Variants in PHF14 observed in about 807,000 individuals in gnomAD.
The protein encoded by PHF14 is PHD finger protein 14.
A neutral mutation model predicts 117.9 loss-of-function variants in PHF14; 55 were observed. That is an observed-to-expected ratio of 0.47 (90% confidence interval 0.38 to 0.58). The LOEUF (loss-of-function observed/expected upper bound fraction) is 0.58. PHF14 is among the 20% of genes least tolerant of loss of function. PHF14 has a pLI of 0.00. For synonymous variants in PHF14, 409 were observed against 368.6 expected, an observed-to-expected ratio of 1.11 and a Z score of -1.26; for missense variants, 978 against 1,122.2, an observed-to-expected ratio of 0.87 and a Z score of 1.84.
chr7:11,122,196 C>T (rs1787775135), intron 17 of PHF14, among the ~76,000 whole-genome samples: 1 of 150,828 alleles, frequency 6.6e-6, no homozygotes, highest in South Asian at 2.1e-4. Flanking sequence ...TGAACTCATT[C>T]TTTTTTATGG....
intron 16 of PHF14, among the ~76,000 whole-genome samples, chr7:11,087,390 C>A (rs1028705531): frequency 6.6e-6 from 1 of 152,096 alleles, no homozygotes; most frequent in African/African-American, 2.4e-5. Context: ...CGGGGTATCA[C>A]CATGTTGGCC....
chr7:11,023,921 A>T (rs889956687), intron 6 of PHF14, among the ~76,000 whole-genome samples: 2 of 152,226 alleles, frequency 1.3e-5, no homozygotes, highest in African/African-American at 4.8e-5. Flanking sequence ...TGTCACTTTA[A>T]ATTAAAAGCT....
At chr7:11,128,870 G>T (rs1378315053) in intron 17 of PHF14, among the ~76,000 whole-genome samples, 1 of 151,166 alleles carries the variant, frequency 6.6e-6, no homozygotes, top group Non-Finnish European at 1.5e-5. Context: ...TTAAATTATA[G>T]TTTTCTAGTT....
intron 17 of PHF14, among the ~76,000 whole-genome samples, chr7:11,145,307 T>C (rs1306952098): frequency 7.2e-5 from 11 of 151,738 alleles, no homozygotes; most frequent in Non-Finnish European, 1.5e-4. Context: ...TTTTTAAAAT[T>C]CCATTGGCCA....
At chr7:10,991,759 A>ATTTTTTT (rs71023881) in intron 4 of PHF14, among the ~76,000 whole-genome samples, 7 of 111,032 alleles carry the variant, frequency 6.3e-5, no homozygotes, top group South Asian at 2.8e-4. Context: ...TAATTTTTTA[A>ATTTTTTT]TTTTTTTTTT....
chr7:11,134,405 TATA>T (rs1374283041), intron 17 of PHF14, among the ~76,000 whole-genome samples: 3 of 152,200 alleles, frequency 2.0e-5, no homozygotes, highest in Admixed American at 2.0e-4. Context: ...TTGTTTGCTA[TATA>T]ATTTAAAGAT....
intron 5 of PHF14, 32 bp downstream of exon 5, chr7:11,013,938 T>A: frequency 6.6e-7 from 1 of 1,504,964 alleles, no homozygotes; most frequent in Non-Finnish European, 9.1e-7. Context: ...GTTCATATGT[T>A]TGCTTTATAA....
At chr7:11,106,126 T>A (rs1211923115) in intron 16 of PHF14, 25 of 983,648 alleles carry the variant, frequency 2.5e-5, no homozygotes, top group Non-Finnish European at 3.0e-5. Flanking sequence ...AATTGTTTTG[T>A]CTCATCTTTC....
intron 16 of PHF14, among the ~76,000 whole-genome samples, chr7:11,071,749 G>T (rs548013772): frequency 6.6e-6 from 1 of 152,242 alleles, no homozygotes; most frequent in East Asian, 1.9e-4. Flanking sequence ...CCTGAGACAT[G>T]TTTCTGATTA....
At chr7:11,097,498 A>G (rs994883988) in intron 16 of PHF14, among the ~76,000 whole-genome samples, 3 of 152,122 alleles carry the variant, frequency 2.0e-5, no homozygotes, top group Non-Finnish European at 2.9e-5. Flanking sequence ...TGAAATCACA[A>G]TTTAATTTCT....
chr7:11,000,422 C>T (rs1455726731), intron 4 of PHF14, among the ~76,000 whole-genome samples: 4 of 144,944 alleles, frequency 2.8e-5, no homozygotes, highest in African/African-American at 1.0e-4. Flanking sequence ...TCACTGCAAC[C>T]TCTGTCTCCC....
chr7:11,057,660 C>T (rs1785063881), intron 14 of PHF14, among the ~76,000 whole-genome samples: 1 of 152,180 alleles, frequency 6.6e-6, no homozygotes, highest in South Asian at 2.1e-4. Flanking sequence ...AGGCCTGAGC[C>T]ACTGTTCCCG....
intron 3 of PHF14, among the ~76,000 whole-genome samples, chr7:10,988,454 G>A (rs908978594): frequency 6.7e-6 from 1 of 150,372 alleles, no homozygotes; most frequent in Admixed American, 6.6e-5. Context: ...TTCCACCAGA[G>A]AAATTACCAC....
intron 17 of PHF14, among the ~76,000 whole-genome samples, chr7:11,146,485 A>G (rs2128352620): frequency 6.6e-6 from 1 of 152,210 alleles, no homozygotes; most frequent in South Asian, 2.1e-4. Context: ...TCTCTTTTTC[A>G]CCAGAGTTGG....
At chr7:11,015,549 C>T (rs1490125979) in intron 5 of PHF14, among the ~76,000 whole-genome samples, 1 of 152,002 alleles carries the variant, frequency 6.6e-6, no homozygotes, top group African/African-American at 2.4e-5. Flanking sequence ...TCAAGTTGGA[C>T]TGTCTATGTT....
At chr7:11,089,009 C>T (rs1190557870) in intron 16 of PHF14, among the ~76,000 whole-genome samples, 4 of 151,816 alleles carry the variant, frequency 2.6e-5, no homozygotes, top group South Asian at 2.1e-4. Context: ...ATCTTCAACA[C>T]CATTTTAAGG....
intron 16 of PHF14, among the ~76,000 whole-genome samples, chr7:11,071,450 A>G (rs1185928044): frequency 6.6e-6 from 1 of 152,236 alleles, no homozygotes; most frequent in African/African-American, 2.4e-5. Flanking sequence ...GGAGTAGAAA[A>G]TAAGTCAGTT....
intron 13 of PHF14, among the ~76,000 whole-genome samples, chr7:11,051,083 C>CA (rs976504721): frequency 6.6e-6 from 1 of 152,114 alleles, no homozygotes; most frequent in African/African-American, 2.4e-5. Flanking sequence ...TCATGTTACC[C>CA]AGGCTGGAGT....
chr7:11,075,318 A>G (rs553241399), intron 16 of PHF14, among the ~76,000 whole-genome samples: 65 of 152,296 alleles, frequency 4.3e-4, no homozygotes, highest in African/African-American at 1.5e-3. Context: ...AAGAAGTACC[A>G]AAGGCTTGCT....
Sources: gnomAD v4.1 joint callset for allele counts (sites outside exome capture counted in the v4.1 genomes callset) on GRCh38, gnomAD v4.1.1 for gene constraint, MANE v1.5 for transcripts, NCBI Gene and HGNC (gene_info 2026-07-23, HGNC 2026-07-21) for gene names.